Variants in MUSK observed in about 807,000 individuals in gnomAD.
The protein encoded by MUSK is muscle, skeletal receptor tyrosine-protein kinase.
In MUSK, 55 loss-of-function variants were observed where a neutral mutation model predicts 88.7. That is an observed-to-expected ratio of 0.62 (90% CI 0.50 to 0.78). The LOEUF (loss-of-function observed/expected upper bound fraction) is 0.78. MUSK is among the 30% of genes least tolerant of loss of function. The pLI is 0.00. For synonymous variants in MUSK, 387 were observed against 391.9 expected, an observed-to-expected ratio of 0.99 and a Z score of 0.15; for missense variants, 1,015 against 1,074.3, an observed-to-expected ratio of 0.94 and a Z score of 0.77.
chr9:110,690,061 ATT>A (rs1413004943), intron 3 of MUSK, among the ~76,000 whole-genome samples: 1 of 95,532 alleles, frequency 1.0e-5, no homozygotes, highest in Non-Finnish European at 1.8e-5. Flanking sequence ...ATAAATATAT[ATT>A]ATGTAAGTAT....
At chr9:110,742,386 G>A (rs954385207) in intron 6 of MUSK, among the ~76,000 whole-genome samples, 3 of 152,184 alleles carry the variant, frequency 2.0e-5, no homozygotes, top group African/African-American at 7.2e-5. Context: ...AATCCAGGAG[G>A]TGGAGGTTAC....
chr9:110,698,519 C>T (rs1346875837), intron 5 of MUSK, among the ~76,000 whole-genome samples: 1 of 152,074 alleles, frequency 6.6e-6, no homozygotes, highest in East Asian at 1.9e-4. Context: ...CTGCATATTT[C>T]CTTCTCATTC....
Position 110,768,014 on chromosome 9 carries a change from C to A in MUSK, c.1115C>A (p.Ala372Asp), listed in dbSNP as rs975514015. The change falls in exon 9 of 15, where the codon GCT becomes GAT. Residue 372 changes from alanine to aspartate, a missense_variant. By Grantham distance (126) the Ala-to-Asp change is moderately radical (BLOSUM62 -2). Transcript: ENST00000374448. ...VSPVCRPAAE[A>D]LLCNHIFQEC... is the part of the protein sequence containing the mutation. Reference sequence around the variant, plus strand: ...CCAGTCTGCCGGCCAGCTGCTGAGGCTTTGTTGTGTAACCACATCTTCCAG... The same window carrying A: ...CCAGTCTGCCGGCCAGCTGCTGAGGATTTGTTGTGTAACCACATCTTCCAG... The A allele has an allele frequency of 3.1e-6, 5 of 1,613,870 alleles. No individual in the cohort carries two copies. Among genetic ancestry groups the A allele is most frequent in the Admixed American group, 3.3e-5 (2 of 60,004 alleles).
intron 3 of MUSK, among the ~76,000 whole-genome samples, chr9:110,689,721 T>TATATATAA (rs2076275570): frequency 2.6e-5 from 2 of 77,958 alleles, no homozygotes; most frequent in Non-Finnish European, 4.1e-5. Flanking sequence ...CTATATATGT[T>TATATATAA]ATATATAGTT....
At chr9:110,689,537 ATATAGT>A in intron 3 of MUSK, among the ~76,000 whole-genome samples, 1 of 107,016 alleles carries the variant, frequency 9.3e-6, no homozygotes, top group African/African-American at 4.1e-5. Flanking sequence ...ATATATAAAT[ATATAGT>A]TATATATATT....
In MUSK at chr9:110,802,611, T is replaced by A. The variant is rs551877949; in HGVS notation, c.*1623T>A. 1.6e-4 allele frequency among the ~76,000 whole-genome samples: 25 copies of A among 152,266 alleles called. No individual in the cohort carries two copies. In the East Asian group the frequency reaches 4.8e-3, roughly 29 times the overall value. On this transcript the variant is annotated 3_prime_UTR_variant, in exon 15 of 15. Coordinates refer to ENST00000374448, the MANE Select transcript of MUSK (RefSeq NM_005592.4). ...GCAACCAAGACAAAAATGTAGAAAT[T>A]TTCCTAGACTTTGCCCTCTCTTTCA...
intron 7 of MUSK, among the ~76,000 whole-genome samples, chr9:110,761,567 CTTTTTTTTTTTTTTT>C (rs1168716499): frequency 1.9e-5 from 1 of 52,720 alleles, no homozygotes; most frequent in Non-Finnish European, 3.6e-5. Flanking sequence ...CCACATCTTG[CTTTTTTTTTTTTTTT>C]TTTTTTTTTT....
At chr9:110,775,546 C>T in intron 9 of MUSK, 1 of 504,004 alleles carries the variant, frequency 2.0e-6, no homozygotes, top group Non-Finnish European at 3.6e-6. Flanking sequence ...CGTTTTTTTC[C>T]CTTAGACTAG....
chr9:110,776,564 C>T, intron 10 of MUSK, 68 bp from the exon 11 acceptor site: 3 of 1,287,998 alleles, frequency 2.3e-6, no homozygotes, highest in Non-Finnish European at 3.4e-6. Flanking sequence ...TTAGCACTCA[C>T]TCTCTCACAG....
chr9:110,677,986 T>A (rs1223848149), intron 1 of MUSK, among the ~76,000 whole-genome samples: 1 of 152,214 alleles, frequency 6.6e-6, no homozygotes, highest in African/African-American at 2.4e-5. Flanking sequence ...TTGAAATTTA[T>A]GATTTAATTT....
At chr9:110,754,657 A>G (rs1191007273) in intron 7 of MUSK, among the ~76,000 whole-genome samples, 1 of 152,240 alleles carries the variant, frequency 6.6e-6, no homozygotes, top group Non-Finnish European at 1.5e-5. Context: ...TTGCTTTTCA[A>G]TAGATCTTCC....
intron 5 of MUSK, among the ~76,000 whole-genome samples, chr9:110,706,464 G>A (rs537851985): frequency 6.6e-6 from 1 of 151,996 alleles, no homozygotes; most frequent in East Asian, 1.9e-4. Flanking sequence ...TTTAGGTATG[G>A]TGTGTAGCCA....
At chr9:110,731,555 C>T (rs1248397552) in intron 5 of MUSK, among the ~76,000 whole-genome samples, 1 of 152,004 alleles carries the variant, frequency 6.6e-6, no homozygotes, top group African/African-American at 2.4e-5. Flanking sequence ...AAAGCAGCTT[C>T]CCTTTAATCC....
chr9:110,681,188 A>G (rs12339269), intron 1 of MUSK, among the ~76,000 whole-genome samples: 67,506 of 101,612 alleles, frequency 0.66, 23,423 homozygotes, highest in African/African-American at 0.85. Context: ...ATATTATAAC[A>G]ATCCTTATAA....
chr9:110,681,029 TTA>T (rs1564209369), intron 1 of MUSK, among the ~76,000 whole-genome samples: 3 of 10,830 alleles, frequency 2.8e-4, no homozygotes, highest in Admixed American at 7.1e-4. Context: ...ATATTATATA[TTA>T]TATATTATAT....
chr9:110,756,063 CAAACTA>C (rs1272820330), intron 7 of MUSK, among the ~76,000 whole-genome samples: 3 of 149,572 alleles, frequency 2.0e-5, no homozygotes, highest in Admixed American at 6.7e-5. Context: ...CACAGATGAG[CAAACTA>C]ATGCTCAGAA....
chr9:110,728,712 C>T (rs2076921160), intron 5 of MUSK: 2 of 1,574,356 alleles, frequency 1.3e-6, no homozygotes, highest in East Asian at 2.2e-5. Flanking sequence ...GAACAAGATA[C>T]TAAAGGTATT....
intron 5 of MUSK, among the ~76,000 whole-genome samples, chr9:110,703,665 G>A (rs774535826): frequency 6.6e-6 from 1 of 152,002 alleles, no homozygotes; most frequent in African/African-American, 2.4e-5. Context: ...GAGATAAAGA[G>A]ATAATTCAGC....
chr9:110,674,623 T>C (rs946347665), intron 1 of MUSK, among the ~76,000 whole-genome samples: 1 of 152,134 alleles, frequency 6.6e-6, no homozygotes, highest in Non-Finnish European at 1.5e-5. Context: ...TTATTATTAT[T>C]TTAGAGATAG....
Sources: gnomAD v4.1 joint callset for allele counts (sites outside exome capture counted in the v4.1 genomes callset) on GRCh38, gnomAD v4.1.1 for gene constraint, MANE v1.5 for transcripts, NCBI Gene and HGNC (gene_info 2026-07-23, HGNC 2026-07-21) for gene names.